The following ATXN7 variants were observed in gnomAD, a reference collection of about 807,000 sequenced individuals.
ATXN7 encodes ataxin-7.
ATXN7 carries 12 observed loss-of-function variants against 70.5 expected under a neutral mutation model. The observed-to-expected ratio is 0.17, with a 90% CI of 0.11 to 0.28. ATXN7 has a LOEUF of 0.28. Ranked by LOEUF, ATXN7 falls within the 10% of genes least tolerant of loss-of-function variation. The pLI, the probability that ATXN7 is intolerant of heterozygous loss-of-function variation, is 1.00. For synonymous variants in ATXN7, 498 were observed against 448.7 expected (o/e 1.11, Z -1.39); for missense variants, 1,256 against 1,131.7 (o/e 1.11, Z -1.58).
In ATXN7 at chr3:63,999,516, A is replaced by G; in HGVS notation, c.*49A>G. Reference sequence around the variant, plus strand: ...AATAATGCGGACACTTTTGAGGACAAGTTACACCTCCACTCAGCACTCTGG... The same window carrying G: ...AATAATGCGGACACTTTTGAGGACAGGTTACACCTCCACTCAGCACTCTGG... On this transcript the variant is annotated 3_prime_UTR_variant, in exon 13 of 13. Transcript: ENST00000674280. The G allele has an allele frequency of 1.9e-6, 3 of 1,611,406 alleles. No homozygotes were observed. Among genetic ancestry groups the G allele is most frequent in the South Asian group, 1.1e-5 (1 of 90,352 alleles).
intron 5 of ATXN7, chr3:63,967,673 T>C: frequency 1.1e-6 from 1 of 881,352 alleles, no homozygotes; most frequent in East Asian, 3.4e-5. Context: ...GCCTTTCCAA[T>C]AGAAAGATTA....
chr3:63,866,653 A>G (rs1200360192), intron 1 of ATXN7, among the ~76,000 whole-genome samples: 1 of 152,218 alleles, frequency 6.6e-6, no homozygotes, highest in Non-Finnish European at 1.5e-5. Flanking sequence ...TTGCAATTGC[A>G]TTGACACAGA....
intron 2 of ATXN7, chr3:63,900,774 A>C (rs1703607979): frequency 6.6e-6 from 1 of 152,288 alleles, no homozygotes; most frequent in African/African-American, 2.4e-5. Flanking sequence ...GTGATGACCT[A>C]ATGCTTTTTT....
intron 1 of ATXN7, among the ~76,000 whole-genome samples, chr3:63,879,859 G>T (rs1702856023): frequency 6.6e-6 from 1 of 151,968 alleles, no homozygotes; most frequent in South Asian, 2.1e-4. Context: ...CGAGGCAGGT[G>T]GATCACGAGG....
At chr3:63,913,563 C>T (rs1313493727) in intron 4 of ATXN7, among the ~76,000 whole-genome samples, 2 of 152,198 alleles carry the variant, frequency 1.3e-5, no homozygotes, top group African/African-American at 4.8e-5. Flanking sequence ...GCTTTGAAAC[C>T]TTTCCACGAA....
intron 5 of ATXN7, among the ~76,000 whole-genome samples, chr3:63,969,612 G>A (rs1460925541): frequency 6.6e-6 from 1 of 151,938 alleles, no homozygotes; most frequent in Non-Finnish European, 1.5e-5. Context: ...GTTTTGTTTT[G>A]TTTTTTTAAT....
At chr3:63,865,575 TG>T (rs1415466169) in intron 1 of ATXN7, among the ~76,000 whole-genome samples, 2 of 151,988 alleles carry the variant, frequency 1.3e-5, no homozygotes, top group African/African-American at 2.4e-5. Flanking sequence ...AGTTGCATTT[TG>T]GTGGGGATAG....
At chr3:63,891,348 T>C (rs532023375) in intron 1 of ATXN7, among the ~76,000 whole-genome samples, 2 of 150,910 alleles carry the variant, frequency 1.3e-5, no homozygotes, top group Admixed American at 1.3e-4. Context: ...AGATGGGGTC[T>C]TGCTCTTTTG....
intron 1 of ATXN7, among the ~76,000 whole-genome samples, chr3:63,884,614 G>T (rs1703027439): frequency 6.6e-6 from 1 of 151,796 alleles, no homozygotes. Flanking sequence ...ATCTCTCAAG[G>T]AGATGGAACA....
At chr3:63,981,104 C>T (rs138419010) in intron 6 of ATXN7, among the ~76,000 whole-genome samples, 46 of 152,326 alleles carry the variant, frequency 3.0e-4, no homozygotes, top group African/African-American at 1.0e-3. Flanking sequence ...GTCCAAGATC[C>T]GGTAACCTGG....
chr3:63,863,643 G>T, upstream of ATXN7: 1 of 1,213,122 alleles, frequency 8.2e-7, no homozygotes, highest in Non-Finnish European at 1.0e-6. Flanking sequence ...GGTCGGGAAG[G>T]CCGAAGCGCT....
chr3:63,926,886 A>C (rs755563353), intron 4 of ATXN7, among the ~76,000 whole-genome samples: 3 of 150,940 alleles, frequency 2.0e-5, no homozygotes, highest in Non-Finnish European at 3.0e-5. Flanking sequence ...TCATTGTTCA[A>C]CTCCTACTTA....
At chr3:63,990,582 CAGGGCTAGGCA>C (rs2075654465) in intron 10 of ATXN7, 145 bp from the exon 11 acceptor site, 2 of 1,289,804 alleles carry the variant, frequency 1.6e-6, no homozygotes, top group African/African-American at 1.5e-5. Context: ...CCATGACGCT[CAGGGCTAGGCA>C]TTGTCACTCT....
intron 12 of ATXN7, 158 bp downstream of exon 12, chr3:63,996,641 AG>A (rs1196754653): frequency 3.7e-6 from 3 of 801,552 alleles, no homozygotes; most frequent in South Asian, 4.2e-5. Context: ...AAAAAAAAAA[AG>A]GTTCACGGCC....
intron 4 of ATXN7, among the ~76,000 whole-genome samples, chr3:63,920,967 AAAAG>A (rs1226359215): frequency 6.6e-6 from 1 of 152,224 alleles, no homozygotes; most frequent in Non-Finnish European, 1.5e-5. Flanking sequence ...AGTTCTAAGA[AAAAG>A]AAGCCTGTTA....
intron 5 of ATXN7, among the ~76,000 whole-genome samples, chr3:63,966,911 C>G (rs140683062): frequency 6.6e-6 from 1 of 152,234 alleles, no homozygotes; most frequent in East Asian, 1.9e-4. Flanking sequence ...TATCATAAAA[C>G]TCAGATCACT....
At chr3:63,915,897 T>G (rs562524122) in intron 4 of ATXN7, among the ~76,000 whole-genome samples, 11 of 151,912 alleles carry the variant, frequency 7.2e-5, no homozygotes, top group Non-Finnish European at 1.5e-4. Context: ...TGTTAGTCAG[T>G]CTGGTCTGAA....
At chr3:63,960,713 C>G (rs540946147) in intron 5 of ATXN7, among the ~76,000 whole-genome samples, 2 of 152,168 alleles carry the variant, frequency 1.3e-5, no homozygotes, top group South Asian at 4.1e-4. Context: ...GTTGTTCTTT[C>G]AGTTTGTATA....
chr3:63,882,649 G>A (rs889290023), intron 1 of ATXN7, among the ~76,000 whole-genome samples: 1 of 152,076 alleles, frequency 6.6e-6, no homozygotes, highest in Admixed American at 6.5e-5. Context: ...GCCTCCCAAA[G>A]TGCTGGGATT....
Sources: gnomAD v4.1 joint callset for allele counts (sites outside exome capture counted in the v4.1 genomes callset) on GRCh38, gnomAD v4.1.1 for gene constraint, MANE v1.5 for transcripts, NCBI Gene and HGNC (gene_info 2026-07-23, HGNC 2026-07-21) for gene names.